NALF1: variants seen among roughly 807,000 people sequenced by gnomAD.
The protein encoded by NALF1 is NALCN channel auxiliary factor 1.
In NALF1, 3 loss-of-function variants were observed where a neutral mutation model predicts 48.4. The observed-to-expected ratio is 0.06, with a 90% CI of 0.03 to 0.16. NALF1 has a LOEUF of 0.16. NALF1 is among the 10% of genes least tolerant of loss of function. The pLI, the probability that NALF1 is intolerant of heterozygous loss-of-function variation, is 1.00. For synonymous variants in NALF1, 262 were observed against 245.7 expected, an observed-to-expected ratio of 1.07 and a Z score of -0.62; for missense variants, 526 against 571.5, an observed-to-expected ratio of 0.92 and a Z score of 0.81.
At chr13:107,442,001 T>C (rs1255165589) in intron 1 of NALF1, among the ~76,000 whole-genome samples, 1 of 152,024 alleles carries the variant, frequency 6.6e-6, no homozygotes. Context: ...GTTAAAGTAT[T>C]AGAGACCAAC....
At chr13:107,367,073 A>T (rs929116593) in intron 1 of NALF1, among the ~76,000 whole-genome samples, 10 of 152,334 alleles carry the variant, frequency 6.6e-5, no homozygotes, top group African/African-American at 2.4e-4. Flanking sequence ...CACAAGGATG[A>T]AAACAAAAGG....
rs1047370092 is a variant in NALF1, at chr13:107,175,201, T to C, written c.1088-4415A>G. Among the ~76,000 whole-genome samples the C allele has an allele frequency of 4.6e-5, 7 of 152,156 alleles. 1 individual carries two copies. Among genetic ancestry groups the C allele is most frequent in the Middle Eastern group, 6.8e-3 (2 of 294 alleles). On this transcript the variant is annotated intron_variant, in intron 2 of 2. Transcript: ENST00000375915. ...ATCGCGCCCGGCCCAACCTTTTCTT[T>C]ATCATCTCAAAAAGAAAAAGTTCCC... is the stretch of plus-strand genomic sequence containing the variant.
At chr13:107,685,001 G>A (rs186640025) in intron 1 of NALF1, among the ~76,000 whole-genome samples, 41 of 152,228 alleles carry the variant, frequency 2.7e-4, no homozygotes, top group Admixed American at 2.4e-3. Flanking sequence ...ACTGGTGACC[G>A]TCTCATCTTC....
intron 1 of NALF1, among the ~76,000 whole-genome samples, chr13:107,520,636 A>G (rs958153055): frequency 6.6e-5 from 10 of 152,132 alleles, no homozygotes; most frequent in South Asian, 2.1e-4. Flanking sequence ...TATTCACCCA[A>G]TCATTAATTT....
At chr13:107,706,124 T>C (rs1034041175) in intron 1 of NALF1, among the ~76,000 whole-genome samples, 1 of 152,186 alleles carries the variant, frequency 6.6e-6, no homozygotes, top group Non-Finnish European at 1.5e-5. Flanking sequence ...ACTTGTTCTA[T>C]AGCCTGCTAA....
intron 1 of NALF1, among the ~76,000 whole-genome samples, chr13:107,260,027 G>A (rs1385753692): frequency 6.6e-6 from 1 of 152,196 alleles, no homozygotes; most frequent in Non-Finnish European, 1.5e-5. Flanking sequence ...GAGAGGCATA[G>A]CTCTGAAACA....
At chr13:107,235,845 G>A (rs1880330818) in intron 1 of NALF1, among the ~76,000 whole-genome samples, 1 of 152,168 alleles carries the variant, frequency 6.6e-6, no homozygotes, top group Admixed American at 6.5e-5. Flanking sequence ...TGATTGATAT[G>A]ATTCCAGTCA....
At chr13:107,285,104 A>G (rs7318732) in intron 1 of NALF1, among the ~76,000 whole-genome samples, 58,153 of 151,986 alleles carry the variant, frequency 0.38, 11,305 homozygotes, top group East Asian at 0.56. Context: ...TTATATGTCT[A>G]TGTGTACTTT....
At chr13:107,424,342 T>G (rs535220872) in intron 1 of NALF1, among the ~76,000 whole-genome samples, 1 of 152,176 alleles carries the variant, frequency 6.6e-6, no homozygotes, top group South Asian at 2.1e-4. Context: ...TTTGCCACAT[T>G]GCCCAGGCTA....
At chr13:107,376,870 T>G (rs1883348474) in intron 1 of NALF1, among the ~76,000 whole-genome samples, 1 of 152,204 alleles carries the variant, frequency 6.6e-6, no homozygotes, top group Non-Finnish European at 1.5e-5. Context: ...TGCAAATTTG[T>G]GCACTGACCT....
intron 1 of NALF1, among the ~76,000 whole-genome samples, chr13:107,714,350 C>T (rs997955737): frequency 1.3e-5 from 2 of 152,082 alleles, no homozygotes; most frequent in African/African-American, 4.8e-5. Context: ...TGAAATCCCC[C>T]TAAGGCACCC....
intron 1 of NALF1, among the ~76,000 whole-genome samples, chr13:107,558,485 C>T (rs1375978480): frequency 6.6e-6 from 1 of 152,092 alleles, no homozygotes; most frequent in African/African-American, 2.4e-5. Flanking sequence ...TACTAATGAT[C>T]CCACAACAAA....
intron 1 of NALF1, among the ~76,000 whole-genome samples, chr13:107,342,548 G>A (rs1441158658): frequency 6.6e-6 from 1 of 152,110 alleles, no homozygotes; most frequent in Non-Finnish European, 1.5e-5. Flanking sequence ...GTACAACGAT[G>A]AACAGCCTTA....
At chr13:107,178,881 C>T (rs1380753308) in intron 2 of NALF1, among the ~76,000 whole-genome samples, 2 of 151,620 alleles carry the variant, frequency 1.3e-5, no homozygotes, top group Admixed American at 6.6e-5. Context: ...GGAGGCGGAG[C>T]TTGCAGTGAG....
At chr13:107,724,425 TG>T (rs1368652511) in intron 1 of NALF1, among the ~76,000 whole-genome samples, 1 of 152,224 alleles carries the variant, frequency 6.6e-6, no homozygotes, top group African/African-American at 2.4e-5. Flanking sequence ...TAAAATATCT[TG>T]ATAAAACCCA....
At chr13:107,535,319 G>T (rs541678532) in intron 1 of NALF1, among the ~76,000 whole-genome samples, 1 of 152,160 alleles carries the variant, frequency 6.6e-6, no homozygotes, top group South Asian at 2.1e-4. Flanking sequence ...CTGTGGGTTT[G>T]TCATAAATAG....
chr13:107,810,156 C>T (rs1004963273), intron 1 of NALF1, among the ~76,000 whole-genome samples: 3 of 152,080 alleles, frequency 2.0e-5, no homozygotes, highest in Admixed American at 6.6e-5. Flanking sequence ...TTTCATTTCT[C>T]CATCTCTGTA....
At position 107,609,166 on chromosome 13, in the gene NALF1, T is replaced by C. The variant is rs539882499; in HGVS notation, c.915+256516A>G. On this transcript the variant is annotated intron_variant, in intron 1 of 2. Transcript: ENST00000375915. ...AAAATGATTGGTATAGGTCCTGCCC[T>C]ACCCCTTAGCTCCCCTATCCTGGGC... Among the ~76,000 whole-genome samples the C allele has an allele frequency of 4.3e-3, 659 of 152,294 alleles. 2 individuals carry two copies. The highest frequency in any genetic ancestry group is 0.014 in the African/African-American group (597 of 41,578).
intron 2 of NALF1, among the ~76,000 whole-genome samples, chr13:107,172,694 T>C (rs1216153576): frequency 6.6e-6 from 1 of 152,198 alleles, no homozygotes; most frequent in African/African-American, 2.4e-5. Flanking sequence ...TTTATTGAAA[T>C]ATACGTTTCC....
Sources: gnomAD v4.1 joint callset for allele counts (sites outside exome capture counted in the v4.1 genomes callset) on GRCh38, gnomAD v4.1.1 for gene constraint, MANE v1.5 for transcripts, NCBI Gene and HGNC (gene_info 2026-07-23, HGNC 2026-07-21) for gene names.